TRERF1: variants seen among roughly 807,000 people sequenced by gnomAD.
The protein encoded by TRERF1 is transcriptional regulating factor 1, also known as transcriptional-regulating factor 1.
A neutral mutation model predicts 122.9 loss-of-function variants in TRERF1; 27 were observed. The observed-to-expected ratio is 0.22, with a 90% CI of 0.16 to 0.30. The LOEUF (loss-of-function observed/expected upper bound fraction) is 0.30, where lower values mean the gene tolerates loss of function less well. Ranked by LOEUF, TRERF1 falls within the 10% of genes least tolerant of loss-of-function variation. The pLI, the probability that TRERF1 is intolerant of heterozygous loss-of-function variation, is 1.00. For missense variants in TRERF1, 1,248 were observed against 1,560.3 expected (o/e 0.80, Z 3.37); for synonymous variants, 636 against 641.7 (o/e 0.99, Z 0.13).
At chr6:42,358,715 A>G (rs1473296477) in intron 3 of TRERF1, among the ~76,000 whole-genome samples, 2 of 151,958 alleles carry the variant, frequency 1.3e-5, no homozygotes, top group African/African-American at 4.8e-5. Flanking sequence ...ATGAGTGTTA[A>G]GAGTTTTTAA....
chr6:42,313,610 C>T (rs2150370290), intron 3 of TRERF1, among the ~76,000 whole-genome samples: 1 of 152,242 alleles, frequency 6.6e-6, no homozygotes, highest in African/African-American at 2.4e-5. Flanking sequence ...GATGTGGGCC[C>T]CAGAACAAGG....
At chr6:42,440,803 T>A (rs1786374981) in intron 2 of TRERF1, among the ~76,000 whole-genome samples, 1 of 151,940 alleles carries the variant, frequency 6.6e-6, no homozygotes, top group South Asian at 2.1e-4. Flanking sequence ...TTTTAAAAGG[T>A]TACAAACTGA....
chr6:42,419,502 C>A (rs922533153), intron 2 of TRERF1, among the ~76,000 whole-genome samples: 1 of 152,090 alleles, frequency 6.6e-6, no homozygotes, highest in African/African-American at 2.4e-5. Context: ...CAACATGTGC[C>A]AACAAATTAG....
At chr6:42,353,297 C>A (rs2150852713) in intron 3 of TRERF1, among the ~76,000 whole-genome samples, 1 of 151,432 alleles carries the variant, frequency 6.6e-6, no homozygotes, top group South Asian at 2.1e-4. Flanking sequence ...AAAAAAAAAA[C>A]AACTCAGGGC....
At chr6:42,345,898 G>A (rs764745771) in intron 3 of TRERF1, among the ~76,000 whole-genome samples, 39 of 152,218 alleles carry the variant, frequency 2.6e-4, no homozygotes, top group Non-Finnish European at 4.8e-4. Context: ...AATCACCGAG[G>A]TGCCATTAAT....
chr6:42,345,375 A>T (rs78600028), intron 3 of TRERF1, among the ~76,000 whole-genome samples: 1 of 152,168 alleles, frequency 6.6e-6, no homozygotes, highest in African/African-American at 2.4e-5. Context: ...AGAGGACCCG[A>T]GCAAGAGGTG....
intron 7 of TRERF1, 144 bp downstream of exon 7, chr6:42,264,560 C>A (rs558552829): frequency 1.5e-6 from 2 of 1,312,446 alleles, no homozygotes; most frequent in East Asian, 2.5e-5. Context: ...TGGCTCCCAG[C>A]GCCAAAGCCT....
At chr6:42,256,354 G>T (rs1359240086) in intron 12 of TRERF1, among the ~76,000 whole-genome samples, 1 of 152,168 alleles carries the variant, frequency 6.6e-6, no homozygotes. Context: ...TAGGGAAGAA[G>T]AATCAGCAGA....
chr6:42,265,731 C>T lies in TRERF1; in HGVS notation c.1484+20G>A, dbSNP rs1458794408. On this transcript the variant is annotated intron_variant, in intron 6 of 17. Transcript: ENST00000372922. ...TCCTCCCCGTCTCCCAAAATACCAA[C>T]AAGGTTCCACTCATCCTACCTTGAC... is the stretch of plus-strand genomic sequence containing the variant. The T allele has an allele frequency of 1.2e-6, 2 of 1,611,582 alleles. No individual in the cohort carries two copies. The highest frequency in any genetic ancestry group is 1.1e-5 in the South Asian group (1 of 90,476).
At chr6:42,267,577 A>G (rs1451089812) in intron 5 of TRERF1, among the ~76,000 whole-genome samples, 1 of 152,140 alleles carries the variant, frequency 6.6e-6, no homozygotes, top group African/African-American at 2.4e-5. Context: ...GGTTGCAGTG[A>G]GCCGAGATGG....
chr6:42,227,213 G>A (rs1769670308), exon 18 of TRERF1: 1 of 152,188 alleles, frequency 6.6e-6, no homozygotes, highest in African/African-American at 2.4e-5. Flanking sequence ...TGTATCTGAA[G>A]CCATTTTTGT....
chr6:42,354,998 T>C lies in TRERF1; in HGVS notation c.-371+7999A>G, dbSNP rs538575349. Among the ~76,000 whole-genome samples the C allele has an allele frequency of 1.4e-4, 21 of 152,336 alleles. No individual in the cohort carries two copies. In the South Asian group the frequency reaches 1.4e-3, roughly 11 times the overall value. ...TAGTTTCAAGCTCATTATCTAGAAA[T>C]AGGGTTTTTAGTAAAACTCTTTAAG... On this transcript the variant is annotated intron_variant, in intron 3 of 17. Coordinates refer to ENST00000372922, the Ensembl canonical transcript of TRERF1.
chr6:42,265,235 C>T (rs573627503), intron 6 of TRERF1, among the ~76,000 whole-genome samples: 28 of 152,312 alleles, frequency 1.8e-4, no homozygotes, highest in African/African-American at 3.6e-4. Flanking sequence ...CTGGGGCAGC[C>T]GCCGTACTGC....
chr6:42,388,281 T>C (rs893342146), intron 2 of TRERF1, among the ~76,000 whole-genome samples: 20 of 150,600 alleles, frequency 1.3e-4, no homozygotes, highest in Non-Finnish European at 2.8e-4. Context: ...GGATGGGAAA[T>C]ACTAACATGA....
chr6:42,433,023 A>G (rs1030432252), intron 2 of TRERF1, among the ~76,000 whole-genome samples: 2 of 152,100 alleles, frequency 1.3e-5, no homozygotes, highest in African/African-American at 2.4e-5. Flanking sequence ...AAAATACAAG[A>G]TAATTATAAT....
chr6:42,229,242 A>T (rs372673866), intron 17 of TRERF1, among the ~76,000 whole-genome samples: 2 of 152,040 alleles, frequency 1.3e-5, no homozygotes, highest in East Asian at 3.9e-4. Flanking sequence ...GGCTCAAGTG[A>T]TCCTCCCACC....
intron 12 of TRERF1, among the ~76,000 whole-genome samples, chr6:42,256,053 CCCAG>C (rs1776682340): frequency 6.6e-6 from 1 of 151,532 alleles, no homozygotes; most frequent in Non-Finnish European, 1.5e-5. Flanking sequence ...ATCGCTTGAA[CCCAG>C]GAGGCAGAGG....
At chr6:42,290,030 G>A (rs1184934031) in intron 4 of TRERF1, among the ~76,000 whole-genome samples, 2 of 152,150 alleles carry the variant, frequency 1.3e-5, no homozygotes, top group Non-Finnish European at 2.9e-5. Flanking sequence ...CTGTCACCGT[G>A]GCAGCTGGAC....
chr6:42,359,020 C>T (rs751699963), intron 3 of TRERF1, among the ~76,000 whole-genome samples: 6 of 152,142 alleles, frequency 3.9e-5, no homozygotes, highest in Non-Finnish European at 8.8e-5. Context: ...AGCTCCTGGC[C>T]ACTATGGAAC....
Sources: allele counts gnomAD v4.1 joint callset (sites outside exome capture counted in the v4.1 genomes callset), GRCh38; gene constraint gnomAD v4.1.1; transcripts MANE v1.5; gene names NCBI Gene and HGNC (gene_info 2026-07-23, HGNC 2026-07-21).